ADGRB3: variants seen among roughly 807,000 people sequenced by gnomAD.
ADGRB3 encodes the protein adhesion G protein-coupled receptor B3.
In ADGRB3, 37 loss-of-function variants were observed where a neutral mutation model predicts 193.4. The ratio of observed to expected loss-of-function variants is 0.19; its 90% CI spans 0.15 to 0.25. The LOEUF is 0.25. ADGRB3 is among the 10% of genes least tolerant of loss of function. The pLI, the probability that ADGRB3 is intolerant of heterozygous loss-of-function variation, is 1.00. For missense variants in ADGRB3, 1,637 were observed against 1,852.9 expected, an observed-to-expected ratio of 0.88 and a Z score of 2.14; for synonymous variants, 690 against 644.2, an observed-to-expected ratio of 1.07 and a Z score of -1.08.
chr6:68,895,474 A>G (rs1766194205), intron 3 of ADGRB3, among the ~76,000 whole-genome samples: 1 of 152,002 alleles, frequency 6.6e-6, no homozygotes, highest in African/African-American at 2.4e-5. Context: ...GCACTATTTC[A>G]TAGACTGACC....
intron 20 of ADGRB3, among the ~76,000 whole-genome samples, chr6:69,255,304 A>G (rs930473251): frequency 3.0e-4 from 46 of 152,214 alleles, no homozygotes; most frequent in Non-Finnish European, 5.3e-4. Context: ...CAATGGTTGA[A>G]CTAGTTTACA....
intron 21 of ADGRB3, among the ~76,000 whole-genome samples, chr6:69,326,078 C>A (rs1168623822): frequency 1.3e-5 from 2 of 152,036 alleles, no homozygotes; most frequent in African/African-American, 4.8e-5. Context: ...CCCATCTCTA[C>A]CAAAAATGCA....
Position 68,635,638 on chromosome 6 carries a change from T to A in ADGRB3, c.-550T>A, listed in dbSNP as rs1047092003. On this transcript the variant is annotated 5_prime_UTR_variant, in exon 1 of 32. Coordinates refer to ENST00000370598, the MANE Select transcript of ADGRB3 (RefSeq NM_001704.3). ...TTGGGGGTAGCTTTTATGAAACAAA[T>A]CTTTGCTATTAAGCCACTTACATTT... The A allele has an allele frequency of 6.6e-6, 1 of 152,372 alleles. No homozygotes were observed. The highest frequency in any genetic ancestry group is 2.4e-5 in the African/African-American group (1 of 41,396). 9.4% of individuals were successfully genotyped at this position (152,372 alleles called of 1,614,324 possible). A position where few individuals can be genotyped will look rare whatever the true frequency, so the allele number is the denominator to read the frequency against.
chr6:68,991,349 A>G (rs1184044476), intron 10 of ADGRB3, among the ~76,000 whole-genome samples: 1 of 152,012 alleles, frequency 6.6e-6, no homozygotes, highest in South Asian at 2.1e-4. Flanking sequence ...GAAGGCTTAT[A>G]TTAATATTTT....
intron 3 of ADGRB3, among the ~76,000 whole-genome samples, chr6:68,731,351 A>G (rs1352549097): frequency 1.3e-5 from 2 of 151,686 alleles, no homozygotes; most frequent in Admixed American, 6.6e-5. Flanking sequence ...ATTTACAAAA[A>G]AAATACATTG....
At chr6:68,948,503 A>C (rs2150253280) in intron 6 of ADGRB3, among the ~76,000 whole-genome samples, 1 of 152,258 alleles carries the variant, frequency 6.6e-6, no homozygotes, top group African/African-American at 2.4e-5. Flanking sequence ...ACCCAAAATA[A>C]AATTTATATA....
At chr6:69,270,417 T>G (rs1767147643) in intron 20 of ADGRB3, among the ~76,000 whole-genome samples, 1 of 152,154 alleles carries the variant, frequency 6.6e-6, no homozygotes, top group Admixed American at 6.6e-5. Flanking sequence ...AAGAGGAAAC[T>G]TGTAAGCATG....
At chr6:68,652,338 C>G (rs1391355349) in intron 3 of ADGRB3, among the ~76,000 whole-genome samples, 27 of 152,154 alleles carry the variant, frequency 1.8e-4, no homozygotes, top group Non-Finnish European at 1.3e-4. Context: ...CTTTCCCACT[C>G]TATGTCACAC....
chr6:69,288,976 C>T (rs1217357426), intron 20 of ADGRB3, among the ~76,000 whole-genome samples: 3 of 152,118 alleles, frequency 2.0e-5, no homozygotes, highest in African/African-American at 7.2e-5. Context: ...CAACCCTCCC[C>T]CAACCCAATA....
At chr6:69,375,828 G>A (rs938521159) in intron 30 of ADGRB3, among the ~76,000 whole-genome samples, 2 of 151,716 alleles carry the variant, frequency 1.3e-5, no homozygotes, top group Non-Finnish European at 2.9e-5. Context: ...CTGTAATCCC[G>A]GCTACTTGGG....
chr6:68,723,429 C>T (rs930211362), intron 3 of ADGRB3, among the ~76,000 whole-genome samples: 2 of 151,642 alleles, frequency 1.3e-5, no homozygotes, highest in African/African-American at 2.4e-5. Context: ...AGCGACAGTT[C>T]GATAGGTTAG....
intron 19 of ADGRB3, 95 bp from the exon 20 acceptor site, chr6:69,239,029 A>AT (rs991011284): frequency 1.7e-6 from 1 of 581,734 alleles, no homozygotes; most frequent in Non-Finnish European, 3.0e-6. Context: ...TACAGTACTT[A>AT]TTTTTCCAGA....
At chr6:69,351,618 A>C (rs189706118) in intron 26 of ADGRB3, among the ~76,000 whole-genome samples, 1 of 152,300 alleles carries the variant, frequency 6.6e-6, no homozygotes, top group East Asian at 1.9e-4. Flanking sequence ...TTAATGATTC[A>C]TGAAGCTGAC....
intron 17 of ADGRB3, among the ~76,000 whole-genome samples, chr6:69,108,465 G>A (rs1468944548): frequency 6.6e-6 from 1 of 151,072 alleles, no homozygotes; most frequent in Non-Finnish European, 1.5e-5. Context: ...AGATTACAAA[G>A]CGAACATTAT....
At chr6:69,030,324 T>C (rs923072573) in intron 13 of ADGRB3, among the ~76,000 whole-genome samples, 2 of 152,180 alleles carry the variant, frequency 1.3e-5, no homozygotes, top group African/African-American at 4.8e-5. Flanking sequence ...CATATGTTTA[T>C]TGCAGCACTA....
At chr6:68,798,840 T>A (rs542645934) in intron 3 of ADGRB3, among the ~76,000 whole-genome samples, 1 of 152,068 alleles carries the variant, frequency 6.6e-6, no homozygotes, top group Non-Finnish European at 1.5e-5. Context: ...AAAAATACAT[T>A]GAGGGGGACA....
chr6:69,036,592 T>C (rs1209001454), intron 13 of ADGRB3, among the ~76,000 whole-genome samples: 1 of 151,966 alleles, frequency 6.6e-6, no homozygotes, highest in Non-Finnish European at 1.5e-5. Flanking sequence ...AAAAAAAAAT[T>C]ACATAATAGA....
chr6:69,100,465 A>C (rs1393927147), intron 17 of ADGRB3, among the ~76,000 whole-genome samples: 1 of 152,182 alleles, frequency 6.6e-6, no homozygotes, highest in Admixed American at 6.5e-5. Context: ...AAAAGAGGAG[A>C]GGAGAAAAGC....
intron 22 of ADGRB3, among the ~76,000 whole-genome samples, chr6:69,329,879 C>T (rs1768678312): frequency 6.6e-6 from 1 of 152,204 alleles, no homozygotes. Flanking sequence ...TGCAAACCTA[C>T]ATCTCTTGGT....
Sources: gnomAD v4.1 joint callset for allele counts (sites outside exome capture counted in the v4.1 genomes callset) on GRCh38, gnomAD v4.1.1 for gene constraint, MANE v1.5 for transcripts, NCBI Gene and HGNC (gene_info 2026-07-23, HGNC 2026-07-21) for gene names.